PBRM1: variants seen among roughly 807,000 people sequenced by gnomAD.
The protein encoded by PBRM1 is protein polybromo-1.
PBRM1 carries 27 observed loss-of-function variants against 194.5 expected under a neutral mutation model. The observed-to-expected ratio is 0.14, with a 90% CI of 0.10 to 0.19. PBRM1 has a LOEUF of 0.19. PBRM1 is among the 10% of genes least tolerant of loss of function. The pLI is 1.00. For synonymous variants in PBRM1, 655 were observed against 693.2 expected (o/e 0.94, Z 0.87); for missense variants, 1,466 against 2,077.2 (o/e 0.71, Z 5.72).
At chr3:52,671,965 A>G (rs1361009143) in intron 2 of PBRM1, among the ~76,000 whole-genome samples, 1 of 152,206 alleles carries the variant, frequency 6.6e-6, no homozygotes, top group Non-Finnish European at 1.5e-5. Context: ...ACAGCTTTCT[A>G]CAGCTGCTGT....
rs2082609376 is a variant in PBRM1, at chr3:52,558,127, A to G, written c.4453+122T>C. 3 of 681,804 alleles carry G rather than the reference A, an allele frequency of 4.4e-6. No individual in the cohort carries two copies. In the South Asian group the frequency reaches 7.3e-5, roughly 17 times the overall value. The allele number at this position is 681,804 out of a possible 1,614,324, so 42.2% of individuals were successfully genotyped here. On this transcript the variant is annotated intron_variant, in intron 26 of 29. Coordinates refer to ENST00000296302, the Ensembl canonical transcript of PBRM1. The stretch of plus-strand genomic sequence containing the variant: ...AAGGCAATATAGGACAACATGGATG[A>G]CTTCAAACTTTGAATCTGTCATGAG...
At chr3:52,621,789 T>C (rs1258170152) in intron 13 of PBRM1, among the ~76,000 whole-genome samples, 4 of 152,194 alleles carry the variant, frequency 2.6e-5, no homozygotes, top group African/African-American at 9.6e-5. Flanking sequence ...TGGTAACTCC[T>C]GTCTGTAATC....
intron 8 of PBRM1, among the ~76,000 whole-genome samples, chr3:52,643,787 T>C (rs1403631213): frequency 6.6e-6 from 1 of 152,122 alleles, no homozygotes. Flanking sequence ...CTGGCCAACA[T>C]AGTGAAACCC....
intron 7 of PBRM1, 119 bp downstream of exon 8, chr3:52,648,225 T>A: frequency 3.2e-6 from 2 of 618,974 alleles, no homozygotes; most frequent in Non-Finnish European, 5.6e-6. Flanking sequence ...ACACTTTTAA[T>A]GGGTAAAGTC....
chr3:52,605,382 G>C (rs1431460494), intron 16 of PBRM1, among the ~76,000 whole-genome samples: 3 of 152,042 alleles, frequency 2.0e-5, no homozygotes, highest in Non-Finnish European at 2.9e-5. Flanking sequence ...AAGAATACCA[G>C]AGTCTAAAAA....
intron 22 of PBRM1, among the ~76,000 whole-genome samples, chr3:52,567,107 G>GAC (rs945059865): frequency 2.7e-5 from 4 of 148,246 alleles, no homozygotes; most frequent in Non-Finnish European, 6.0e-5. Flanking sequence ...TGAATTCTAT[G>GAC]ACATATATAT....
At chr3:52,672,900 CCTCT>C (rs2096982709) in intron 2 of PBRM1, among the ~76,000 whole-genome samples, 1 of 152,066 alleles carries the variant, frequency 6.6e-6, no homozygotes, top group Non-Finnish European at 1.5e-5. Flanking sequence ...GTGCAAGATG[CCTCT>C]CTGTGTAATT....
chr3:52,598,411 A>G (rs1188925228), intron 17 of PBRM1, among the ~76,000 whole-genome samples: 2 of 152,176 alleles, frequency 1.3e-5, no homozygotes, highest in African/African-American at 2.4e-5. Flanking sequence ...GAATTTGCCA[A>G]TTCTATATAC....
chr3:52,632,350 G>A (rs1040696242), intron 11 of PBRM1, among the ~76,000 whole-genome samples: 5 of 152,128 alleles, frequency 3.3e-5, no homozygotes, highest in Non-Finnish European at 7.3e-5. Context: ...TTGGGAGGCT[G>A]AGGTGAGAGG....
At chr3:52,610,082 T>A in intron 15 of PBRM1, 127 bp from the exon 18 acceptor site, 1 of 565,730 alleles carries the variant, frequency 1.8e-6, no homozygotes, top group South Asian at 4.4e-5. Context: ...ATGTCTATAG[T>A]GAAATATAAC....
intron 7 of PBRM1, among the ~76,000 whole-genome samples, chr3:52,645,029 A>T (rs1469652706): frequency 6.6e-6 from 1 of 152,218 alleles, no homozygotes; most frequent in Non-Finnish European, 1.5e-5. Context: ...TGATTAGTCA[A>T]GTAATATTTA....
chr3:52,568,991 G>A (rs767940437), intron 22 of PBRM1, among the ~76,000 whole-genome samples: 6 of 152,096 alleles, frequency 3.9e-5, no homozygotes, highest in Admixed American at 6.5e-5. Flanking sequence ...GGGCTCAAGC[G>A]ATCCTCACAC....
At chr3:52,619,421 A>G (rs1216756588) in intron 13 of PBRM1, among the ~76,000 whole-genome samples, 3 of 152,192 alleles carry the variant, frequency 2.0e-5, no homozygotes, top group Non-Finnish European at 2.9e-5. Flanking sequence ...AAAATGCTAT[A>G]TAGTTGTTTT....
At chr3:52,632,545 C>T (rs1314781938) in intron 11 of PBRM1, among the ~76,000 whole-genome samples, 1 of 152,086 alleles carries the variant, frequency 6.6e-6, no homozygotes, top group African/African-American at 2.4e-5. Context: ...CGCAACAGAG[C>T]AGAGACCCTG....
At chr3:52,560,584 G>A (rs1448720453) in intron 25 of PBRM1, 1 of 151,766 alleles carries the variant, frequency 6.6e-6, no homozygotes, top group Non-Finnish European at 1.5e-5. Context: ...TGTATGAAAG[G>A]AGAAAAGGTT....
At chr3:52,641,141 G>A (rs1473117390) in intron 10 of PBRM1, among the ~76,000 whole-genome samples, 1 of 151,984 alleles carries the variant, frequency 6.6e-6, no homozygotes, top group African/African-American at 2.4e-5. Context: ...GATACAACTG[G>A]AGAAGTCTGT....
intron 11 of PBRM1, 112 bp downstream of exon 12, chr3:52,634,490 A>G: frequency 1.4e-6 from 1 of 738,590 alleles, no homozygotes; most frequent in Non-Finnish European, 2.2e-6. Flanking sequence ...GGTTAAAAAA[A>G]AACACCATTT....
chr3:52,685,453 G>T (rs949272111), intron 1 of PBRM1: 1 of 152,162 alleles, frequency 6.6e-6, no homozygotes, highest in East Asian at 1.9e-4. Context: ...TGGTATTGGG[G>T]ACTGAGGGAA....
Position 52,629,058 on chromosome 3 carries a change from T to C in PBRM1, c.1302-23A>G, listed in dbSNP as rs199679308. The C allele has an allele frequency of 3.5e-5, 55 of 1,561,326 alleles. No individual in the cohort carries two copies. In the East Asian group the frequency reaches 8.3e-4, roughly 24 times the overall value. ...GTTCTGTGAAAGACAAAGAAATTGC[T>C]AGAATTTTCTGTCATGAAAATTATG... On this transcript the variant is annotated intron_variant, in intron 11 of 29. Transcript: ENST00000296302.
Sources: allele counts gnomAD v4.1 joint callset (sites outside exome capture counted in the v4.1 genomes callset), GRCh38; gene constraint gnomAD v4.1.1; transcripts MANE v1.5; gene names NCBI Gene and HGNC (gene_info 2026-07-23, HGNC 2026-07-21).